Variants in CALN1 observed in about 807,000 individuals in gnomAD.
CALN1 encodes the protein calneuron 1, also known as calcium-binding protein 8.
Under a neutral mutation model 30.6 loss-of-function variants are expected in CALN1, and 17 were observed. That is an observed-to-expected ratio of 0.56 (90% confidence interval 0.38 to 0.83). CALN1 has a LOEUF of 0.83. Ranked by LOEUF, CALN1 falls within the 40% of genes least tolerant of loss-of-function variation. The pLI is 0.00. For synonymous variants in CALN1, 156 were observed against 131.4 expected (o/e 1.19, Z -1.28); for missense variants, 291 against 354.9 (o/e 0.82, Z 1.45).
At chr7:72,499,282 C>T in the CALN1 span, among the ~76,000 whole-genome samples, 3 of 152,138 alleles carry the variant, frequency 2.0e-5, no homozygotes, top group East Asian at 5.8e-4. Flanking sequence ...CCACCCACCT[C>T]AGCCTCCCAA....
At chr7:71,852,492 A>T (rs1790707389) in intron 5 of CALN1, among the ~76,000 whole-genome samples, 1 of 150,342 alleles carries the variant, frequency 6.7e-6, no homozygotes, top group Non-Finnish European at 1.5e-5. Context: ...AAAAAAAAAA[A>T]TCTTAGCTGA....
chr7:72,186,136 G>A (rs1218973636), intron 3 of CALN1, among the ~76,000 whole-genome samples: 4 of 152,040 alleles, frequency 2.6e-5, no homozygotes, highest in Non-Finnish European at 4.4e-5. Context: ...TCCAAAAGCA[G>A]GAAAAGGCAA....
At position 71,978,625 on chromosome 7, in the gene CALN1, T is replaced by A. The variant is rs571559407; in HGVS notation, c.501+45032A>T. ...CTGAGGGCAGGGGCAGCGCCAGCTG[T>A]GGCTCCAGGTGTTGTCACGAGACCT... On this transcript the variant is annotated intron_variant, in intron 5 of 6. Transcript: ENST00000395275. Among the ~76,000 whole-genome samples, 19 of 152,332 alleles carry A rather than the reference T, an allele frequency of 1.2e-4. No homozygotes were observed. In the South Asian group the frequency reaches 3.9e-3, roughly 32 times the overall value.
intron 5 of CALN1, among the ~76,000 whole-genome samples, chr7:71,838,737 C>T (rs895895068): frequency 6.6e-6 from 1 of 152,128 alleles, no homozygotes; most frequent in African/African-American, 2.4e-5. Flanking sequence ...TGAGTGAGTT[C>T]TCAGGACATC....
At chr7:72,106,443 G>A (rs780353261) in intron 3 of CALN1, 149 bp from the exon 4 acceptor site, 58 of 804,042 alleles carry the variant, frequency 7.2e-5, no homozygotes, top group Non-Finnish European at 8.9e-5. Flanking sequence ...GAGGACAGAA[G>A]AAGAACAGAA....
rs56266355 is a variant in CALN1, at chr7:72,090,078, G to A, written c.388+16073C>T. Among the ~76,000 whole-genome samples the A allele has an allele frequency of 4.7e-3, 710 of 152,230 alleles. 8 individuals are homozygous for A. Among genetic ancestry groups the A allele is most frequent in the African/African-American group, 0.015 (622 of 41,550 alleles). ...TTTGGGAGGCCAAGGTGGGCAGATC[G>A]CTGGAGGTCAGGAGTTCGAGACTAG... On this transcript the variant is annotated intron_variant, in intron 4 of 6. Transcript: ENST00000395275.
intron 6 of CALN1, among the ~76,000 whole-genome samples, chr7:71,804,457 G>A: frequency 6.6e-6 from 1 of 152,074 alleles, no homozygotes; most frequent in Non-Finnish European, 1.5e-5. Flanking sequence ...TTAGTGAGCT[G>A]TGGTTGTGCC....
chr7:72,448,730 C>G (rs1355948034), upstream of CALN1, among the ~76,000 whole-genome samples: 2 of 152,086 alleles, frequency 1.3e-5, no homozygotes, highest in East Asian at 1.9e-4. Context: ...CTCGGCCTCC[C>G]GAGTAGCTGG....
intron 5 of CALN1, among the ~76,000 whole-genome samples, chr7:71,963,203 C>A (rs1419946516): frequency 6.6e-6 from 1 of 152,120 alleles, no homozygotes; most frequent in African/African-American, 2.4e-5. Flanking sequence ...TGCTCTGTCA[C>A]CCAGGCTGGA....
intron 3 of CALN1, among the ~76,000 whole-genome samples, chr7:72,233,243 T>C (rs1486989530): frequency 6.8e-6 from 1 of 146,730 alleles, no homozygotes; most frequent in Admixed American, 6.8e-5. Context: ...GAGGAGATCA[T>C]TTGAGTAAAG....
At chr7:72,302,550 G>A (rs1294934651) in intron 2 of CALN1, among the ~76,000 whole-genome samples, 2 of 152,032 alleles carry the variant, frequency 1.3e-5, no homozygotes, top group African/African-American at 2.4e-5. Context: ...ACTTTCGGAG[G>A]TGCAGGCATT....
intron 5 of CALN1, among the ~76,000 whole-genome samples, chr7:71,935,883 T>TTACA (rs778917218): frequency 2.6e-5 from 4 of 152,170 alleles, no homozygotes; most frequent in African/African-American, 4.8e-5. Context: ...AATCTACAGG[T>TTACA]TACATGTACC....
At chr7:71,961,598 A>G (rs115548597) in intron 5 of CALN1, among the ~76,000 whole-genome samples, 1,827 of 152,290 alleles carry the variant, frequency 0.012, 30 homozygotes, top group African/African-American at 0.04. Context: ...ACAAAAAGGA[A>G]TAAGAAAATG....
intron 2 of CALN1, among the ~76,000 whole-genome samples, chr7:72,393,005 A>T (rs1805676247): frequency 6.6e-6 from 1 of 152,136 alleles, no homozygotes; most frequent in Non-Finnish European, 1.5e-5. Context: ...CACTTAAAAA[A>T]AAAATTAATA....
At chr7:71,904,434 A>C (rs1794021684) in intron 5 of CALN1, among the ~76,000 whole-genome samples, 1 of 152,248 alleles carries the variant, frequency 6.6e-6, no homozygotes, top group Admixed American at 6.5e-5. Context: ...AAGGGAAATA[A>C]GCCAGGCATA....
At chr7:71,858,090 C>T (rs191975459) in intron 5 of CALN1, among the ~76,000 whole-genome samples, 42 of 152,246 alleles carry the variant, frequency 2.8e-4, no homozygotes, top group African/African-American at 9.1e-4. Context: ...CCATAATCCC[C>T]ACGTGTCATG....
At chr7:72,078,995 G>A (rs1313755318) in intron 4 of CALN1, among the ~76,000 whole-genome samples, 5 of 152,156 alleles carry the variant, frequency 3.3e-5, no homozygotes, top group East Asian at 3.9e-4. Flanking sequence ...GAAGCTGCCC[G>A]TCTGTACTGG....
chr7:72,409,704 T>A (rs1052743092), intron 1 of CALN1, among the ~76,000 whole-genome samples: 1 of 152,064 alleles, frequency 6.6e-6, no homozygotes, highest in Admixed American at 6.5e-5. Context: ...TTTATGGGCA[T>A]AAATAATTCA....
At chr7:72,205,551 A>AAAAAAATATATATAT in intron 3 of CALN1, among the ~76,000 whole-genome samples, 3 of 83,052 alleles carry the variant, frequency 3.6e-5, no homozygotes, top group African/African-American at 1.5e-4. Flanking sequence ...GCAAAAAAAA[A>AAAAAAATATATATAT]ATATATATAT....
Sources: gnomAD v4.1 joint callset for allele counts (sites outside exome capture counted in the v4.1 genomes callset) on GRCh38, gnomAD v4.1.1 for gene constraint, MANE v1.5 for transcripts, NCBI Gene and HGNC (gene_info 2026-07-23, HGNC 2026-07-21) for gene names.